The following OTOF variants were observed in gnomAD, a reference collection of about 807,000 sequenced individuals.
The protein encoded by OTOF is fer-1-like family member 2.
A neutral mutation model predicts 236.8 loss-of-function variants in OTOF; 218 were observed. The ratio of observed to expected loss-of-function variants is 0.92; its 90% CI spans 0.82 to 1.03. OTOF has a LOEUF of 1.03. Among genes scored for constraint, OTOF ranks in the 50% least tolerant of loss-of-function variants. The pLI, the probability that OTOF is intolerant of heterozygous loss-of-function variation, is 0.00. For synonymous variants in OTOF, 1,041 were observed against 1,072.5 expected, an observed-to-expected ratio of 0.97 and a Z score of 0.57; for missense variants, 2,590 against 2,694.4, an observed-to-expected ratio of 0.96 and a Z score of 0.86.
intron 39 of OTOF, among the ~76,000 whole-genome samples, chr2:26,464,434 C>T (rs1664630694): frequency 6.6e-6 from 1 of 152,050 alleles, no homozygotes; most frequent in African/African-American, 2.4e-5. Flanking sequence ...CCAGCACAGA[C>T]ACCTCCCAAT....
Position 26,501,793 on chromosome 2 carries a change from A to C in OTOF, c.726T>G (p.Ile242Met). The C allele has an allele frequency of 6.2e-7, 1 of 1,613,680 alleles. No homozygotes were observed. The highest frequency in any genetic ancestry group is 8.5e-7 in the Non-Finnish European group (1 of 1,179,652). Reference sequence around the variant, plus strand: ...GCCGCCCAGCACTTGGCTCCATCTTAATGTCTGGCTTAGATCTGAGGAAGA... The same window carrying C: ...GCCGCCCAGCACTTGGCTCCATCTTCATGTCTGGCTTAGATCTGAGGAAGA... Reference protein sequence around the residue: ...NVSNKRSKPDIKMEPSAGRPM... With the variant: ...NVSNKRSKPDMKMEPSAGRPM... Residue 242 changes from isoleucine (I) to methionine (M), a missense_variant, in exon 8 of 47, where the codon ATT becomes ATG. By Grantham distance (10) the Ile-to-Met change is conservative. Around this residue, in one of 2 missense-constraint regions of OTOF, gnomAD observed 1,379 missense variants for 1,341.6 expected, o/e 1.03. Transcript: ENST00000272371.
intron 2 of OTOF, among the ~76,000 whole-genome samples, chr2:26,529,752 G>T (rs1296239076): frequency 6.6e-6 from 1 of 152,036 alleles, no homozygotes; most frequent in Non-Finnish European, 1.5e-5. Flanking sequence ...ACCTGGCCTT[G>T]GCATGAGAGG....
At position 26,480,876 on chromosome 2, in the gene OTOF, C is replaced by T. The variant is rs397517935; in HGVS notation, c.1713G>A (p.Leu571=). ...EGVSFRARLL[L]GLAVEIVDTS... is the part of the protein sequence containing the mutation. ...TGTCTACGATCTCCACAGCCAGGCC[C>T]AGCAGGAGCCGGGCCCGGAAGGACA... The change falls in exon 15 of 47, where the codon CTG becomes CTA. Residue 571 remains leucine, a synonymous_variant. Coordinates refer to ENST00000272371, the MANE Select transcript of OTOF (RefSeq NM_194248.3). 160 of 1,612,914 alleles carry T rather than the reference C, an allele frequency of 9.9e-5. No individual in the cohort carries two copies. Among genetic ancestry groups the T allele is most frequent in the Non-Finnish European group, 1.3e-4 (149 of 1,180,008 alleles).
chr2:26,484,737 C>T, intron 11 of OTOF, 104 bp from the exon 12 acceptor site: 1 of 1,191,182 alleles, frequency 8.4e-7, no homozygotes. Context: ...CTGTCTTGGT[C>T]CCTAGAGTCC....
At chr2:26,479,163 G>C in intron 18 of OTOF, 101 bp downstream of exon 18, 1 of 1,471,230 alleles carries the variant, frequency 6.8e-7, no homozygotes, top group Non-Finnish European at 9.3e-7. Context: ...CGTTCCTGCA[G>C]CCCCCTGGGC....
chr2:26,541,687 A>G (rs966782212), intron 1 of OTOF, among the ~76,000 whole-genome samples: 7 of 151,946 alleles, frequency 4.6e-5, no homozygotes, highest in East Asian at 1.9e-4. Context: ...CTTCACATCT[A>G]CTCCATTCAG....
intron 9 of OTOF, among the ~76,000 whole-genome samples, chr2:26,491,565 T>C (rs1349129059): frequency 6.6e-6 from 1 of 152,116 alleles, no homozygotes; most frequent in East Asian, 1.9e-4. Flanking sequence ...GGCTGTGCAA[T>C]GCCAGGTTCT....
At position 26,473,002 on chromosome 2, in the gene OTOF, C is replaced by A; in HGVS notation, c.3733+130G>T. ...CAGCCTTCCTTGGCCACCAGGGTGA[C>A]CTTCTTCTATGCCCACCCCCTCGGC... On this transcript the variant is annotated intron_variant, in intron 29 of 46. Transcript: ENST00000272371. This position sits in a 1 kb window ranked among gnomAD's most constrained non-coding sequence, Gnocchi z 7.2. 1 of 1,022,558 alleles carries A rather than the reference C, an allele frequency of 9.8e-7. No individual in the cohort carries two copies. Among genetic ancestry groups the A allele is most frequent in the Non-Finnish European group, 1.4e-6 (1 of 701,266 alleles). The allele number at this position is 1,022,558 out of a possible 1,614,324, so 63.3% of individuals were successfully genotyped here. A position where few individuals can be genotyped will look rare whatever the true frequency, so the allele number is the denominator to read the frequency against.
intron 36 of OTOF, 85 bp downstream of exon 36, chr2:26,466,629 A>G (rs879757030): frequency 1.3e-6 from 2 of 1,511,228 alleles, no homozygotes; most frequent in African/African-American, 2.7e-5. Context: ...AAACCATTGC[A>G]CCTGGCCAGT....
At chr2:26,503,183 C>T (rs922791706) in intron 6 of OTOF, among the ~76,000 whole-genome samples, 1 of 152,228 alleles carries the variant, frequency 6.6e-6, no homozygotes, top group African/African-American at 2.4e-5. Context: ...AGATGGCCCC[C>T]TCCCAGCTCC....
At chr2:26,496,599 G>C (rs1202810210) in intron 8 of OTOF, among the ~76,000 whole-genome samples, 2 of 152,024 alleles carry the variant, frequency 1.3e-5, no homozygotes, top group Admixed American at 6.6e-5. Context: ...GAGAGAGAGA[G>C]AGCCAGAGCA....
intron 2 of OTOF, among the ~76,000 whole-genome samples, chr2:26,534,019 C>T (rs764928335): frequency 1.3e-5 from 2 of 152,134 alleles, no homozygotes; most frequent in Non-Finnish European, 2.9e-5. Context: ...GGTCCATCTG[C>T]CCGCTAGACT....
At chr2:26,476,064 C>G (rs1406032594) in intron 23 of OTOF, 26 bp from the exon 24 acceptor site, 4 of 1,612,082 alleles carry the variant, frequency 2.5e-6, no homozygotes, top group South Asian at 2.2e-5. Flanking sequence ...GCCTGAGGTT[C>G]CAGGATGGGC....
rs765979174 is a variant in OTOF at position 26,468,502 on chromosome 2, G to A, written c.4024-28C>T. 6 of 1,601,884 alleles carry A rather than the reference G, an allele frequency of 3.7e-6. No individual in the cohort carries two copies. The East Asian group carries it at 1.3e-4, about 36-fold the overall frequency. On this transcript the variant is annotated intron_variant, in intron 32 of 46. Transcript: ENST00000272371. The stretch of plus-strand genomic sequence containing the variant: ...GCCAAAAGATGAGATGAAAAGGACA[G>A]AAGGTGGGTTTCCTGGGGAGGAGTC...
At chr2:26,490,452 T>C (rs1324145564) in intron 9 of OTOF, among the ~76,000 whole-genome samples, 1 of 152,210 alleles carries the variant, frequency 6.6e-6, no homozygotes, top group East Asian at 1.9e-4. Flanking sequence ...CCATGCACAT[T>C]TGCAGTCCCC....
intron 3 of OTOF, among the ~76,000 whole-genome samples, chr2:26,526,853 G>C (rs1380738757): frequency 6.6e-6 from 1 of 152,120 alleles, no homozygotes; most frequent in Non-Finnish European, 1.5e-5. Context: ...GCTTGTATAA[G>C]AGCAACCGAT....
chr2:26,516,616 G>T lies in OTOF; in HGVS notation c.328-17C>A. The T allele has an allele frequency of 6.2e-7, 1 of 1,601,742 alleles. No individual in the cohort carries two copies. The highest frequency in any genetic ancestry group is 1.1e-5 in the South Asian group (1 of 91,062). On this transcript the variant is annotated splice_polypyrimidine_tract_variant and intron_variant, in intron 4 of 46. Coordinates refer to ENST00000272371, the MANE Select transcript of OTOF (RefSeq NM_194248.3). ...CAGGCTGGTCTGAAGGGAGGGAGGCGGTGGTGAGCAGCTGGGATGGTGACA... is the reference window on the plus strand; with the variant it reads ...CAGGCTGGTCTGAAGGGAGGGAGGCTGTGGTGAGCAGCTGGGATGGTGACA...
chr2:26,468,945 C>A (rs984962801), intron 32 of OTOF, among the ~76,000 whole-genome samples: 1 of 151,998 alleles, frequency 6.6e-6, no homozygotes, highest in Non-Finnish European at 1.5e-5. Flanking sequence ...GAGCAATACC[C>A]ACTGTAAATG....
Position 26,473,030 on chromosome 2 carries a change from C to T in OTOF, c.3733+102G>A, listed in dbSNP as rs1423874943. The T allele has an allele frequency of 3.8e-6, 5 of 1,327,444 alleles. No individual in the cohort carries two copies. Among genetic ancestry groups the T allele is most frequent in the Non-Finnish European group, 5.2e-6 (5 of 958,100 alleles). The allele number at this position is 1,327,444 out of a possible 1,614,324, so 82.2% of individuals were successfully genotyped here. On this transcript the variant is annotated intron_variant, in intron 29 of 46. Coordinates refer to ENST00000272371, the MANE Select transcript of OTOF (RefSeq NM_194248.3). The surrounding 1 kb of genome is among the most constrained non-coding windows in gnomAD (Gnocchi z 7.2). ...TCTTCTATGCCCACCCCCTCGGCCC[C>T]AAAGAGCAAACTCTGGTCGCGGCTT...
Sources: allele counts gnomAD v4.1 joint callset (sites outside exome capture counted in the v4.1 genomes callset), GRCh38; gene constraint gnomAD v4.1.1; regional missense constraint gnomAD v4.1.1; non-coding constraint Gnocchi (gnomAD v3.1); transcripts MANE v1.5; gene names NCBI Gene and HGNC (gene_info 2026-07-23, HGNC 2026-07-21).